Variants in XPO7 observed in about 807,000 individuals in gnomAD.
The protein encoded by XPO7 is exportin-7.
In XPO7, 21 loss-of-function variants were observed where a neutral mutation model predicts 144.3. The observed-to-expected ratio is 0.15, with a 90% CI of 0.10 to 0.21. The LOEUF is 0.21. Ranked by LOEUF, XPO7 falls within the 10% of genes least tolerant of loss-of-function variation. XPO7 has a pLI of 1.00. For missense variants in XPO7, 808 were observed against 1,325.8 expected (o/e 0.61, Z 6.06); for synonymous variants, 580 against 499.6 (o/e 1.16, Z -2.15).
At chr8:21,950,299 TC>T (rs1269411097) in intron 1 of XPO7, among the ~76,000 whole-genome samples, 18 of 152,232 alleles carry the variant, frequency 1.2e-4, no homozygotes, top group Admixed American at 2.0e-4. Context: ...CTCACTTGTT[TC>T]ATAGACGTTC....
chr8:21,988,166 C>G (rs1812642712), intron 15 of XPO7, among the ~76,000 whole-genome samples: 1 of 152,220 alleles, frequency 6.6e-6, no homozygotes, highest in African/African-American at 2.4e-5. Context: ...TGCTGCTCAG[C>G]CCCTCACCCA....
At chr8:22,002,089 AC>A (rs772753808) in intron 24 of XPO7, 22 bp from the exon 25 acceptor site, 42 of 1,593,870 alleles carry the variant, frequency 2.6e-5, no homozygotes, top group South Asian at 1.1e-5. Flanking sequence ...GCTCTGTCCT[AC>A]CCCTGCCTTT....
chr8:21,996,763 G>A (rs577434961), intron 21 of XPO7, among the ~76,000 whole-genome samples: 1 of 152,204 alleles, frequency 6.6e-6, no homozygotes, highest in East Asian at 1.9e-4. Context: ...GCGGTCCTGA[G>A]AGAATTAGTA....
intron 1 of XPO7, among the ~76,000 whole-genome samples, chr8:21,930,599 A>G (rs894744762): frequency 2.6e-5 from 4 of 152,210 alleles, no homozygotes; most frequent in African/African-American, 7.2e-5. Flanking sequence ...TGTTCACTTA[A>G]CATTCCAGGA....
At chr8:21,999,330 A>G (rs760925071) in intron 23 of XPO7, 25 bp downstream of exon 23, 5 of 1,610,432 alleles carry the variant, frequency 3.1e-6, no homozygotes, top group Non-Finnish European at 4.2e-6. Flanking sequence ...GCATTGCCAC[A>G]ATCTTGTTCC....
At chr8:21,945,199 C>T (rs1352290174) in intron 1 of XPO7, among the ~76,000 whole-genome samples, 1 of 152,016 alleles carries the variant, frequency 6.6e-6, no homozygotes, top group Non-Finnish European at 1.5e-5. Flanking sequence ...AGAGGCGCCC[C>T]CCACCTCCCA....
chr8:21,991,969 G>A lies in XPO7; in HGVS notation c.2143G>A (p.Ala715Thr). 6.2e-7 allele frequency: 1 copy of A among 1,612,342 alleles called. No individual in the cohort carries two copies. The highest frequency in any genetic ancestry group is 8.5e-7 in the Non-Finnish European group (1 of 1,179,228). The change falls in exon 19 of 28, where the codon GCA becomes ACA. Residue 715 changes from alanine to threonine, a missense_variant. Physicochemically the swap from Ala to Thr is moderately conservative, Grantham distance 58. This residue lies in a region of XPO7 where 416 missense variants were observed against 612.5 expected (regional missense o/e 0.68). Transcript: ENST00000252512. ...CACCAATAGTTTCAACGAGCAGGAG[G>A]CAAAGGTGAGTGAGTCTTTCACCCA... ...FSTNSFNEQE[A>T]KRTLVGLVRD...
intron 24 of XPO7, 38 bp downstream of exon 24, chr8:21,999,712 G>C (rs755782303): frequency 6.2e-7 from 1 of 1,611,926 alleles, no homozygotes; most frequent in South Asian, 1.1e-5. Flanking sequence ...TGGTGGGTTT[G>C]TTTTTTACCA....
chr8:22,003,341 C>T, intron 26 of XPO7, 24 bp downstream of exon 26: 1 of 1,582,324 alleles, frequency 6.3e-7, no homozygotes, highest in South Asian at 1.1e-5. Context: ...CTCCCTGGTG[C>T]CAACCCAGAA....
chr8:21,977,982 G>A, intron 8 of XPO7, 139 bp downstream of exon 8: 1 of 728,646 alleles, frequency 1.4e-6, no homozygotes, highest in Non-Finnish European at 2.2e-6. Flanking sequence ...AGTCTTTTGA[G>A]ATTAAGCTTG....
At position 21,981,830 on chromosome 8, in the gene XPO7, C is replaced by T; in HGVS notation, c.1057C>T (p.Pro353Ser). ...LGELVKVENYPEVIRLIANFT... is the reference protein window; with the variant it reads ...LGELVKVENYSEVIRLIANFT... ...AGAATTGGTAAAGGTGGAAAACTAC[C>T]CTGAGGTCATCCGATTGATAGCCAA... Residue 353 changes from proline (P) to serine (S), a missense_variant, in exon 10 of 28, where the codon CCT becomes TCT. Pro to Ser is a moderately conservative substitution (Grantham distance 74). Coordinates refer to ENST00000252512, the MANE Select transcript of XPO7 (RefSeq NM_015024.5). 6.2e-7 allele frequency: 1 copy of T among 1,613,960 alleles called. No individual in the cohort carries two copies. Among genetic ancestry groups the T allele is most frequent in the Non-Finnish European group, 8.5e-7 (1 of 1,179,864 alleles).
At chr8:21,994,691 C>A (rs1812883909) in intron 20 of XPO7, among the ~76,000 whole-genome samples, 1 of 152,096 alleles carries the variant, frequency 6.6e-6, no homozygotes, top group Admixed American at 6.5e-5. Context: ...ATATAAATGC[C>A]TGTGGAACCA....
At chr8:21,946,730 CCT>C (rs1489551843) in intron 1 of XPO7, among the ~76,000 whole-genome samples, 7 of 147,574 alleles carry the variant, frequency 4.7e-5, no homozygotes, top group Non-Finnish European at 7.5e-5. Flanking sequence ...GCAGCCTCTG[CCT>C]CCTGGGTTCA....
At chr8:21,982,840 C>T (rs1032022320) in intron 11 of XPO7, 28 bp downstream of exon 11, 20 of 1,571,134 alleles carry the variant, frequency 1.3e-5, no homozygotes, top group Non-Finnish European at 1.6e-5. Flanking sequence ...CATTCATTCC[C>T]GCACCAGTGG....
chr8:21,964,330 G>A (rs1811816522), intron 1 of XPO7: 1 of 152,176 alleles, frequency 6.6e-6, no homozygotes, highest in African/African-American at 2.4e-5. Flanking sequence ...GCTGTGGTGT[G>A]TAGTCGGCCA....
chr8:21,981,898 G>T, intron 10 of XPO7, 21 bp downstream of exon 10: 1 of 1,609,512 alleles, frequency 6.2e-7, no homozygotes, highest in South Asian at 1.1e-5. Context: ...GATTACTTGT[G>T]TCTTCCTTCC....
intron 1 of XPO7, among the ~76,000 whole-genome samples, chr8:21,956,759 C>G (rs1436557979): frequency 6.8e-6 from 1 of 147,840 alleles, no homozygotes; most frequent in Non-Finnish European, 1.5e-5. Flanking sequence ...TTTTGTGCAT[C>G]CTGTTATTCC....
chr8:21,980,126 C>T lies in XPO7; in HGVS notation c.880C>T (p.Leu294=). Residue 294 remains leucine, a synonymous_variant, in exon 9 of 28, where the codon CTG becomes TTG. Coordinates refer to ENST00000252512, the MANE Select transcript of XPO7 (RefSeq NM_015024.5). ...LVQIASVRRS[L]FNNAERAKFL... Reference sequence around the variant, plus strand: ...ACAGATCGCTTCAGTCAGAAGATCCCTGTTTAACAATGCAGAGAGGGCCAA... The same window carrying T: ...ACAGATCGCTTCAGTCAGAAGATCCTTGTTTAACAATGCAGAGAGGGCCAA... The T allele has an allele frequency of 6.2e-7, 1 of 1,605,080 alleles. No homozygotes were observed. Among genetic ancestry groups the T allele is most frequent in the Non-Finnish European group, 8.5e-7 (1 of 1,175,320 alleles).
intron 18 of XPO7, 31 bp downstream of exon 18, chr8:21,990,950 G>A (rs1310714886): frequency 2.5e-6 from 4 of 1,593,092 alleles, no homozygotes; most frequent in Non-Finnish European, 3.4e-6. Context: ...GGCTCATGAA[G>A]TCATCTGGCA....
Sources: gnomAD v4.1 joint callset for allele counts (sites outside exome capture counted in the v4.1 genomes callset) on GRCh38, gnomAD v4.1.1 for gene constraint, gnomAD v4.1.1 regional missense constraint, MANE v1.5 for transcripts, NCBI Gene and HGNC (gene_info 2026-07-23, HGNC 2026-07-21) for gene names.